Variants in BMPR1B observed in about 807,000 individuals in gnomAD.
BMPR1B encodes the protein bone morphogenetic protein receptor type 1B.
A neutral mutation model predicts 59.1 loss-of-function variants in BMPR1B; 12 were observed. The observed-to-expected ratio is 0.20, with a 90% CI of 0.13 to 0.33. The LOEUF is 0.33. Ranked by LOEUF, BMPR1B falls within the 10% of genes least tolerant of loss-of-function variation. BMPR1B has a pLI of 1.00. For missense variants in BMPR1B, 550 were observed against 610.9 expected (o/e 0.90, Z 1.05); for synonymous variants, 237 against 207.3 (o/e 1.14, Z -1.23).
intron 2 of BMPR1B, among the ~76,000 whole-genome samples, chr4:94,916,452 A>C (rs1246763013): frequency 6.6e-6 from 1 of 152,214 alleles, no homozygotes; most frequent in African/African-American, 2.4e-5. Context: ...ATGCCTTAGC[A>C]AAGAACTTGG....
intron 2 of BMPR1B, among the ~76,000 whole-genome samples, chr4:94,929,799 C>T (rs1260333977): frequency 1.3e-5 from 2 of 151,986 alleles, no homozygotes; most frequent in Admixed American, 6.6e-5. Context: ...TGCACGTCTC[C>T]ACTTGGAATG....
chr4:95,084,973 C>T (rs1485376252), intron 3 of BMPR1B, among the ~76,000 whole-genome samples: 1 of 152,074 alleles, frequency 6.6e-6, no homozygotes, highest in Non-Finnish European at 1.5e-5. Context: ...ACACGTGTGA[C>T]TTGGCCTATT....
chr4:94,929,400 T>C (rs537590418), intron 2 of BMPR1B, among the ~76,000 whole-genome samples: 48 of 152,224 alleles, frequency 3.2e-4, no homozygotes, highest in African/African-American at 1.1e-3. Flanking sequence ...ACTTCTGTTA[T>C]CATCTCTCTG....
rs1735498417 is a variant in BMPR1B, at chr4:95,157,387, G to A, written c.*2714G>A. 1 of 151,868 alleles carries A rather than the reference G, an allele frequency of 6.6e-6. No individual in the cohort carries two copies. Among genetic ancestry groups the A allele is most frequent in the Non-Finnish European group, 1.5e-5 (1 of 67,898 alleles). The allele number at this position is 151,868 out of a possible 1,614,324, so 9.4% of individuals were successfully genotyped here. On this transcript the variant is annotated 3_prime_UTR_variant, in exon 13 of 13. Coordinates refer to ENST00000515059, the MANE Select transcript of BMPR1B (RefSeq NM_001203.3). Reference sequence around the variant, plus strand: ...TACTCATTTCCCAATAATCCTTTATGATTTCAAAATTTCTAGTGGCTCAGA... The same window carrying A: ...TACTCATTTCCCAATAATCCTTTATAATTTCAAAATTTCTAGTGGCTCAGA...
At chr4:94,874,376 A>G (rs1345350894) in intron 1 of BMPR1B, among the ~76,000 whole-genome samples, 4 of 152,116 alleles carry the variant, frequency 2.6e-5, no homozygotes, top group Non-Finnish European at 5.9e-5. Flanking sequence ...AAGTGTTGCT[A>G]TAGTCTTATT....
At chr4:94,937,391 T>G (rs1193242734) in intron 2 of BMPR1B, among the ~76,000 whole-genome samples, 1 of 152,176 alleles carries the variant, frequency 6.6e-6, no homozygotes, top group African/African-American at 2.4e-5. Context: ...TTACATGGCT[T>G]TCTCACATCC....
At chr4:95,137,444 G>T (rs1733882665) in intron 10 of BMPR1B, among the ~76,000 whole-genome samples, 1 of 152,148 alleles carries the variant, frequency 6.6e-6, no homozygotes, top group South Asian at 2.1e-4. Flanking sequence ...GCAGAGCTGA[G>T]TTCAATTCCT....
At position 94,936,917 on chromosome 4, in the gene BMPR1B, C is replaced by T. The variant is rs540820392; in HGVS notation, c.-112-59123C>T. On this transcript the variant is annotated intron_variant, in intron 2 of 12. Transcript: ENST00000515059. ...TTTGTTAACATCTGTTCATTTTTTT[C>T]CCCTTCCAAACTGTCTACCATTTCA... is the stretch of plus-strand genomic sequence containing the variant. Among the ~76,000 whole-genome samples, 6 of 152,016 alleles carry T rather than the reference C, an allele frequency of 3.9e-5. No homozygotes were observed. The South Asian group carries it at 6.2e-4, about 16-fold the overall frequency.
At chr4:95,079,050 C>T (rs1728919136) in intron 3 of BMPR1B, among the ~76,000 whole-genome samples, 1 of 152,156 alleles carries the variant, frequency 6.6e-6, no homozygotes, top group African/African-American at 2.4e-5. Flanking sequence ...TGAGCCACTG[C>T]GCCTAACCAA....
At chr4:94,943,696 T>C (rs148911528) in intron 2 of BMPR1B, among the ~76,000 whole-genome samples, 225 of 152,350 alleles carry the variant, frequency 1.5e-3, no homozygotes, top group Non-Finnish European at 2.4e-3. Context: ...TTTCTCATGC[T>C]CTTCGTGTTA....
intron 3 of BMPR1B, among the ~76,000 whole-genome samples, chr4:95,055,182 T>C (rs1193324994): frequency 6.6e-6 from 1 of 152,190 alleles, no homozygotes; most frequent in African/African-American, 2.4e-5. Flanking sequence ...GGATTTTATG[T>C]ACCACCTCTC....
At chr4:94,790,332 G>A (rs547895739) in intron 1 of BMPR1B, among the ~76,000 whole-genome samples, 9 of 152,284 alleles carry the variant, frequency 5.9e-5, no homozygotes, top group African/African-American at 9.6e-5. Context: ...ACCAGTGTGA[G>A]TTATTACTGT....
At chr4:95,072,043 A>C (rs969566554) in intron 3 of BMPR1B, among the ~76,000 whole-genome samples, 7 of 152,104 alleles carry the variant, frequency 4.6e-5, no homozygotes, top group African/African-American at 1.7e-4. Flanking sequence ...AGGAAATTGG[A>C]TGGCATGGTT....
At chr4:95,125,250 C>T (rs1732825189) in intron 8 of BMPR1B, 129 bp downstream of exon 8, 1 of 1,189,658 alleles carries the variant, frequency 8.4e-7, no homozygotes, top group Non-Finnish European at 1.2e-6. Context: ...GTTGGACATC[C>T]GATCTCAGCT....
At chr4:94,977,479 CTTT>C (rs5741894) in intron 2 of BMPR1B, among the ~76,000 whole-genome samples, 591 of 138,782 alleles carry the variant, frequency 4.3e-3, no homozygotes, top group Admixed American at 6.2e-3. Flanking sequence ...AGCAAGATGC[CTTT>C]TTTTTTTTTT....
At chr4:94,799,510 G>A (rs1377708617) in intron 1 of BMPR1B, among the ~76,000 whole-genome samples, 2 of 151,738 alleles carry the variant, frequency 1.3e-5, no homozygotes, top group Non-Finnish European at 2.9e-5. Flanking sequence ...CACCATGTTG[G>A]CCAGGATGGT....
chr4:94,916,050 G>A (rs570540390), intron 2 of BMPR1B, among the ~76,000 whole-genome samples: 3 of 152,138 alleles, frequency 2.0e-5, no homozygotes, highest in African/African-American at 7.2e-5. Flanking sequence ...AAGAAGTCAA[G>A]CAAGTGCCAG....
intron 2 of BMPR1B, among the ~76,000 whole-genome samples, chr4:94,897,535 A>G (rs1234939587): frequency 6.6e-6 from 1 of 152,084 alleles, no homozygotes; most frequent in African/African-American, 2.4e-5. Context: ...TGAAATAAAG[A>G]AAAAGTTAGC....
At chr4:94,810,463 G>T (rs1219447873) in intron 1 of BMPR1B, among the ~76,000 whole-genome samples, 2 of 152,162 alleles carry the variant, frequency 1.3e-5, no homozygotes, top group African/African-American at 4.8e-5. Context: ...TGCAAGGGGA[G>T]AAAGTGTAAA....
Sources: gnomAD v4.1 joint callset for allele counts (sites outside exome capture counted in the v4.1 genomes callset) on GRCh38, gnomAD v4.1.1 for gene constraint, MANE v1.5 for transcripts, NCBI Gene and HGNC (gene_info 2026-07-23, HGNC 2026-07-21) for gene names.